FARS2: variants seen among roughly 807,000 people sequenced by gnomAD.
FARS2 encodes the protein phenylalanyl-tRNA synthetase 2, mitochondrial.
Under a neutral mutation model 46.4 loss-of-function variants are expected in FARS2, and 40 were observed. The ratio of observed to expected loss-of-function variants is 0.86; its 90% CI spans 0.67 to 1.12. The LOEUF is 1.12. Ranked by LOEUF, FARS2 falls within the 50% of genes most tolerant of loss-of-function variation. FARS2 has a pLI of 0.00. For synonymous variants in FARS2, 234 were observed against 214.9 expected (o/e 1.09, Z -0.78); for missense variants, 513 against 567.9 (o/e 0.90, Z 0.98).
chr6:5,614,245 G>A (rs982248488), intron 6 of FARS2, among the ~76,000 whole-genome samples: 2 of 152,078 alleles, frequency 1.3e-5, no homozygotes, highest in African/African-American at 4.8e-5. Context: ...GTCCCCTTTG[G>A]CTCCTAGCTG....
At chr6:5,485,304 C>T (rs570886942) in intron 4 of FARS2, among the ~76,000 whole-genome samples, 2 of 152,184 alleles carry the variant, frequency 1.3e-5, no homozygotes, top group Non-Finnish European at 2.9e-5. Flanking sequence ...AATGCAAATG[C>T]AGTTTGTAAA....
chr6:5,439,227 C>T lies in FARS2; in HGVS notation c.904+8055C>T, dbSNP rs140504649. Reference sequence around the variant, plus strand: ...TGTGCTGGTTGGAGTCTGTGCTGTGCGTGTGTCACTCCAGTGTCAGGCTGA... The same window carrying T: ...TGTGCTGGTTGGAGTCTGTGCTGTGTGTGTGTCACTCCAGTGTCAGGCTGA... On this transcript the variant is annotated intron_variant, in intron 4 of 6. Coordinates refer to ENST00000274680, the MANE Select transcript of FARS2 (RefSeq NM_006567.5). 6.7e-3 allele frequency among the ~76,000 whole-genome samples: 1,018 copies of T among 152,282 alleles called. 14 individuals are homozygous for T. The highest frequency in any genetic ancestry group is 0.023 in the African/African-American group (960 of 41,556).
intron 3 of FARS2, among the ~76,000 whole-genome samples, chr6:5,421,450 C>T (rs1762544154): frequency 1.3e-5 from 2 of 152,216 alleles, no homozygotes; most frequent in African/African-American, 4.8e-5. Context: ...CTTCTTGTTA[C>T]TTATGCCAAT....
intron 4 of FARS2, among the ~76,000 whole-genome samples, chr6:5,482,914 C>A (rs1766554224): frequency 6.6e-6 from 1 of 152,080 alleles, no homozygotes; most frequent in East Asian, 1.9e-4. Context: ...TCCTCATGAC[C>A]CAGCTCTGGT....
At chr6:5,426,686 C>T (rs150797123) in intron 3 of FARS2, among the ~76,000 whole-genome samples, 2,190 of 152,198 alleles carry the variant, frequency 0.014, 23 homozygotes, top group Non-Finnish European at 0.021. Flanking sequence ...AGTGCAGTGG[C>T]GCAATCTTGG....
At chr6:5,747,917 A>G (rs1477906414) in intron 6 of FARS2, among the ~76,000 whole-genome samples, 2 of 152,228 alleles carry the variant, frequency 1.3e-5, no homozygotes, top group African/African-American at 2.4e-5. Flanking sequence ...TTAAAAATCT[A>G]TATCTGAAGC....
intron 3 of FARS2, among the ~76,000 whole-genome samples, chr6:5,417,742 G>A (rs907323413): frequency 6.6e-6 from 1 of 151,954 alleles, no homozygotes; most frequent in Non-Finnish European, 1.5e-5. Flanking sequence ...TCTTATGTTT[G>A]GAATTGGTTG....
At position 5,455,168 on chromosome 6, in the gene FARS2, G is replaced by A. The variant is rs148662520; in HGVS notation, c.904+23996G>A. On this transcript the variant is annotated intron_variant, in intron 4 of 6. Transcript: ENST00000274680. Reference sequence around the variant, plus strand: ...CCTTTTCCGGTTTTCATTCAAAACCGTCTTGGTTATTGCTTATTTGTTTCT... The same window carrying A: ...CCTTTTCCGGTTTTCATTCAAAACCATCTTGGTTATTGCTTATTTGTTTCT... 2.5e-3 allele frequency among the ~76,000 whole-genome samples: 383 copies of A among 152,210 alleles called. 1 individual carries two copies. The highest frequency in any genetic ancestry group is 8.6e-3 in the African/African-American group (358 of 41,532).
intron 4 of FARS2, among the ~76,000 whole-genome samples, chr6:5,530,711 T>C (rs1769770979): frequency 6.8e-6 from 1 of 146,814 alleles, no homozygotes; most frequent in African/African-American, 2.5e-5. Flanking sequence ...ACAATATCTA[T>C]ATAGCTATAT....
chr6:5,261,007 G>C, upstream of FARS2: 1 of 1,059,512 alleles, frequency 9.4e-7, no homozygotes, highest in Non-Finnish European at 1.2e-6. Context: ...CCCCGATCCC[G>C]CCCCCGCCCG....
At chr6:5,578,036 C>T (rs1412019063) in intron 5 of FARS2, among the ~76,000 whole-genome samples, 4 of 152,108 alleles carry the variant, frequency 2.6e-5, no homozygotes, top group African/African-American at 7.2e-5. Flanking sequence ...CTTCTGACCT[C>T]GTGATCCGCC....
rs1768260569 is a variant in FARS2 at position 5,508,830 on chromosome 6, A to G, written c.905-36350A>G. Among the ~76,000 whole-genome samples the G allele has an allele frequency of 2.0e-5, 3 of 152,330 alleles. No homozygotes were observed. The South Asian group carries it at 6.2e-4, about 32-fold the overall frequency. ...GCACGGAGAGGTGGACAGAATTTGA[A>G]TCATAGTACTATCATTGGAAATGAG... On this transcript the variant is annotated intron_variant, in intron 4 of 6. Transcript: ENST00000274680.
intron 2 of FARS2, among the ~76,000 whole-genome samples, chr6:5,399,165 T>C (rs923402284): frequency 1.1e-3 from 134 of 124,024 alleles, no homozygotes; most frequent in African/African-American, 2.0e-3. Flanking sequence ...TTATTATTAT[T>C]ATTATTATTA....
Position 5,727,228 on chromosome 6 carries a change from A to G in FARS2, c.1218-44063A>G, listed in dbSNP as rs1760325425. Among the ~76,000 whole-genome samples, 1 of 152,136 alleles carries G rather than the reference A, an allele frequency of 6.6e-6. No individual in the cohort carries two copies. The highest frequency in any genetic ancestry group is 1.5e-5 in the Non-Finnish European group (1 of 68,018). On this transcript the variant is annotated intron_variant, in intron 6 of 6. Coordinates refer to ENST00000274680, the MANE Select transcript of FARS2 (RefSeq NM_006567.5). This position sits in a 1 kb window ranked among gnomAD's most constrained non-coding sequence, Gnocchi z 4.1. Reference sequence around the variant, plus strand: ...GGGAGGGGCTGTTCCTCTCATCACTAGTTTTATTCAGTGGTTCAGATGGTT... The same window carrying G: ...GGGAGGGGCTGTTCCTCTCATCACTGGTTTTATTCAGTGGTTCAGATGGTT...
intron 3 of FARS2, among the ~76,000 whole-genome samples, chr6:5,417,458 C>T (rs1762304483): frequency 6.6e-6 from 1 of 152,134 alleles, no homozygotes; most frequent in African/African-American, 2.4e-5. Context: ...AACTCCTGGC[C>T]TCAAGTGATT....
At chr6:5,414,751 C>CT (rs574838502) in intron 3 of FARS2, among the ~76,000 whole-genome samples, 31 of 135,698 alleles carry the variant, frequency 2.3e-4, no homozygotes, top group African/African-American at 2.7e-4. Flanking sequence ...ATGGACATCG[C>CT]TTTTTTTTTT....
At chr6:5,279,256 A>G (rs1478566652) in intron 1 of FARS2, among the ~76,000 whole-genome samples, 1 of 151,740 alleles carries the variant, frequency 6.6e-6, no homozygotes, top group Non-Finnish European at 1.5e-5. Flanking sequence ...ATGAGCTTGT[A>G]GTCTCAGCTA....
At chr6:5,491,123 A>G (rs959189855) in intron 4 of FARS2, among the ~76,000 whole-genome samples, 12 of 152,186 alleles carry the variant, frequency 7.9e-5, no homozygotes, top group African/African-American at 2.2e-4. Context: ...TAGCGATTCT[A>G]GTAGTTATGT....
At chr6:5,560,326 T>C (rs1216175396) in intron 5 of FARS2, among the ~76,000 whole-genome samples, 1 of 152,194 alleles carries the variant, frequency 6.6e-6, no homozygotes, top group East Asian at 1.9e-4. Context: ...CGAGATGATC[T>C]TATGATTTCT....
Sources: allele counts gnomAD v4.1 joint callset (sites outside exome capture counted in the v4.1 genomes callset), GRCh38; gene constraint gnomAD v4.1.1; non-coding constraint Gnocchi (gnomAD v3.1); transcripts MANE v1.5; gene names NCBI Gene and HGNC (gene_info 2026-07-23, HGNC 2026-07-21).